Variants in ZNF367 observed in about 807,000 individuals in gnomAD.
The protein encoded by ZNF367 is C2H2 zinc finger protein ZFF29.
Under a neutral mutation model 31.8 loss-of-function variants are expected in ZNF367, and 11 were observed. That is an observed-to-expected ratio of 0.35 (90% CI 0.22 to 0.57). The LOEUF is 0.57. Among genes scored for constraint, ZNF367 ranks in the 20% least tolerant of loss-of-function variants. The pLI, the probability that ZNF367 is intolerant of heterozygous loss-of-function variation, is 0.85. For missense variants in ZNF367, 353 were observed against 484.1 expected, an observed-to-expected ratio of 0.73 and a Z score of 2.54; for synonymous variants, 199 against 202.4, an observed-to-expected ratio of 0.98 and a Z score of 0.14.
chr9:96,414,717 C>T (rs1276830986), intron 1 of ZNF367, among the ~76,000 whole-genome samples: 2 of 152,144 alleles, frequency 1.3e-5, no homozygotes, highest in African/African-American at 2.4e-5. Flanking sequence ...ACCTCGTGAC[C>T]AGCCAGCCTC....
chr9:96,408,289 CAA>C (rs1475241075), intron 1 of ZNF367, among the ~76,000 whole-genome samples: 5 of 152,290 alleles, frequency 3.3e-5, no homozygotes, highest in Middle Eastern at 3.4e-3. Flanking sequence ...AACAGAATCT[CAA>C]AGACATATTT....
chr9:96,417,571 G>T lies in ZNF367; in HGVS notation c.420+42C>A. The T allele has an allele frequency of 2.7e-6, 1 of 368,712 alleles. No homozygotes were observed. Among genetic ancestry groups the T allele is most frequent in the Non-Finnish European group, 4.6e-6 (1 of 216,578 alleles). The allele number at this position is 368,712 out of a possible 1,614,324, so 22.8% of individuals were successfully genotyped here. ...CCCGCCGCACCGTTAACGGGCCCCGGCTGCCCCACGTCCCGCCCGCCCGCC... is the reference window on the plus strand; with the variant it reads ...CCCGCCGCACCGTTAACGGGCCCCGTCTGCCCCACGTCCCGCCCGCCCGCC... On this transcript the variant is annotated intron_variant, in intron 1 of 4. Transcript: ENST00000375256. The surrounding 1 kb of genome is among the most constrained non-coding windows in gnomAD (Gnocchi z 5.0).
chr9:96,405,237 G>A (rs772105011), intron 1 of ZNF367, among the ~76,000 whole-genome samples: 5 of 146,498 alleles, frequency 3.4e-5, no homozygotes, highest in Admixed American at 7.0e-5. Flanking sequence ...CAGGAGAATC[G>A]CTTGAACCCG....
chr9:96,403,870 T>C (rs1480845442), intron 1 of ZNF367, among the ~76,000 whole-genome samples: 2 of 152,180 alleles, frequency 1.3e-5, no homozygotes, highest in East Asian at 3.9e-4. Flanking sequence ...ACTCAAAATG[T>C]ACCACAGAGC....
At chr9:96,401,984 G>A (rs560315727) in intron 1 of ZNF367, among the ~76,000 whole-genome samples, 1 of 149,746 alleles carries the variant, frequency 6.7e-6, no homozygotes, top group Admixed American at 6.7e-5. Context: ...GGGCAACAGA[G>A]CAAGACCCTA....
chr9:96,404,186 C>T (rs963191254), intron 1 of ZNF367, among the ~76,000 whole-genome samples: 95 of 151,900 alleles, frequency 6.3e-4, no homozygotes, highest in African/African-American at 1.9e-3. Flanking sequence ...CAAGGCCGGG[C>T]GCGGTGGCTC....
chr9:96,406,862 C>T (rs1175916817), intron 1 of ZNF367, among the ~76,000 whole-genome samples: 2 of 151,466 alleles, frequency 1.3e-5, no homozygotes, highest in South Asian at 2.1e-4. Context: ...ATTAGCTGGG[C>T]GCGGTGGGGG....
chr9:96,400,911 A>T (rs1325954475), intron 1 of ZNF367, among the ~76,000 whole-genome samples: 1 of 152,244 alleles, frequency 6.6e-6, no homozygotes, highest in African/African-American at 2.4e-5. Flanking sequence ...AATGACAAAA[A>T]GAATCTTGAA....
chr9:96,400,932 A>C (rs1831595508), intron 1 of ZNF367, among the ~76,000 whole-genome samples: 1 of 152,234 alleles, frequency 6.6e-6, no homozygotes, highest in Non-Finnish European at 1.5e-5. Flanking sequence ...AGCAGCAAGA[A>C]AGTAGTGACT....
chr9:96,392,275 TA>T, intron 4 of ZNF367, 122 bp downstream of exon 4: 1 of 1,442,926 alleles, frequency 6.9e-7, no homozygotes, highest in Non-Finnish European at 9.6e-7. Context: ...GGGTCATTTC[TA>T]ATTATGTTAT....
Position 96,417,995 on chromosome 9 carries a change from G to C in ZNF367, c.38C>G (p.Pro13Arg). ...RGFEAPMAEN[P>R]PPPPPPVIFC... ...GATGACGGGCGGCGGCGGCGGCGGC[G>C]GGTTCTCCGCCATGGGCGCCTCGAA... Residue 13 changes from proline (P) to arginine (R), a missense_variant, in exon 1 of 5, where the codon CCG (proline) becomes CGG (arginine). Coordinates refer to ENST00000375256, the MANE Select transcript of ZNF367 (RefSeq NM_153695.4). The surrounding 1 kb of genome is among the most constrained non-coding windows in gnomAD (Gnocchi z 5.0). The C allele has an allele frequency of 1.4e-6, 2 of 1,424,348 alleles. No homozygotes were observed. Among genetic ancestry groups the C allele is most frequent in the Non-Finnish European group, 1.8e-6 (2 of 1,097,098 alleles). 88.2% of individuals were successfully genotyped at this position (1,424,348 alleles called of 1,614,324 possible). A position where few individuals can be genotyped will look rare whatever the true frequency, so the allele number is the denominator to read the frequency against.
At chr9:96,393,439 T>C (rs1259118305) in intron 3 of ZNF367, among the ~76,000 whole-genome samples, 2 of 152,062 alleles carry the variant, frequency 1.3e-5, no homozygotes. Context: ...GAGAATTGCT[T>C]GAACTCAGGA....
chr9:96,392,903 G>C (rs1456173347), intron 3 of ZNF367, among the ~76,000 whole-genome samples: 1 of 152,182 alleles, frequency 6.6e-6, no homozygotes, highest in Admixed American at 6.5e-5. Context: ...TGGCCAACAC[G>C]GCAAAATGCC....
chr9:96,407,353 A>T lies in ZNF367; in HGVS notation c.421-9039T>A, dbSNP rs569039079. 57 of 1,560,422 alleles carry T rather than the reference A, an allele frequency of 3.7e-5. No individual in the cohort carries two copies. In the African/African-American group the frequency reaches 6.9e-4, roughly 19 times the overall value. On this transcript the variant is annotated intron_variant, in intron 1 of 4. Coordinates refer to ENST00000375256, the MANE Select transcript of ZNF367 (RefSeq NM_153695.4). Reference sequence around the variant, plus strand: ...ATACCGTTTGGATTACCATGAGAAAAAGAGAAAGAAGGAAAGTCGAGAGGC... The same window carrying T: ...ATACCGTTTGGATTACCATGAGAAATAGAGAAAGAAGGAAAGTCGAGAGGC...
intron 3 of ZNF367, among the ~76,000 whole-genome samples, chr9:96,393,643 C>T (rs560762077): frequency 6.6e-6 from 1 of 152,268 alleles, no homozygotes; most frequent in East Asian, 1.9e-4. Flanking sequence ...ACCAGCCTGA[C>T]CAACATGGAG....
chr9:96,410,582 A>G (rs1400431911), intron 1 of ZNF367, among the ~76,000 whole-genome samples: 1 of 146,226 alleles, frequency 6.8e-6, no homozygotes, highest in Non-Finnish European at 1.5e-5. Context: ...AAAAAAAACA[A>G]AAAAAACCAT....
chr9:96,402,456 T>C (rs1831617676), intron 1 of ZNF367, among the ~76,000 whole-genome samples: 1 of 129,470 alleles, frequency 7.7e-6, no homozygotes. Flanking sequence ...TTTTTTTTTT[T>C]TTTTTTTTTT....
At position 96,405,236 on chromosome 9, in the gene ZNF367, C is replaced by T. The variant is rs147900641; in HGVS notation, c.421-6922G>A. The stretch of plus-strand genomic sequence containing the variant: ...ACTCAGGAAGCTGAGGCAGGAGAAT[C>T]GCTTGAACCCGGAGGTTGCAGTGAG... On this transcript the variant is annotated intron_variant, in intron 1 of 4. Coordinates refer to ENST00000375256, the MANE Select transcript of ZNF367 (RefSeq NM_153695.4). 6.6e-3 allele frequency among the ~76,000 whole-genome samples: 987 copies of T among 149,236 alleles called. 10 individuals are homozygous for T. Among genetic ancestry groups the T allele is most frequent in the African/African-American group, 0.022 (905 of 40,350 alleles).
intron 1 of ZNF367, among the ~76,000 whole-genome samples, chr9:96,413,989 A>C (rs1831784523): frequency 2.0e-5 from 3 of 152,212 alleles, no homozygotes; most frequent in South Asian, 4.1e-4. Context: ...TCTCTTCCCC[A>C]AAAATGAGCA....
Sources: gnomAD v4.1 joint callset for allele counts (sites outside exome capture counted in the v4.1 genomes callset) on GRCh38, gnomAD v4.1.1 for gene constraint, Gnocchi (gnomAD v3.1) non-coding constraint, MANE v1.5 for transcripts, NCBI Gene and HGNC (gene_info 2026-07-23, HGNC 2026-07-21) for gene names.